Variants in RAB17 observed in about 807,000 individuals in gnomAD.
RAB17 encodes ras-related protein Rab-17.
RAB17 carries 15 observed loss-of-function variants against 19.3 expected under a neutral mutation model. The ratio of observed to expected loss-of-function variants is 0.78; its 90% CI spans 0.52 to 1.20. RAB17 has a LOEUF of 1.20. Among genes scored for constraint, RAB17 ranks in the 50% most tolerant of loss-of-function variants. RAB17 has a pLI of 0.00. For synonymous variants in RAB17, 110 were observed against 112.8 expected (o/e 0.97, Z 0.16); for missense variants, 262 against 269.3 (o/e 0.97, Z 0.19).
At chr2:237,575,624 T>C in intron 4 of RAB17, 144 bp from the exon 5 acceptor site, 1 of 644,864 alleles carries the variant, frequency 1.6e-6, no homozygotes, top group East Asian at 2.8e-5. Context: ...TTGTGTTTCT[T>C]GGCACTCCTG....
intron 2 of RAB17, among the ~76,000 whole-genome samples, chr2:237,582,377 G>A (rs1161695153): frequency 6.6e-6 from 1 of 152,212 alleles, no homozygotes; most frequent in East Asian, 1.9e-4. Context: ...GGCCGGCCTT[G>A]GTGACCTTAA....
chr2:237,590,448 G>T lies in RAB17; in HGVS notation c.-4+19C>A, dbSNP rs975415604. ...GCAGACACTCCACAAAGGGCACAGA[G>T]GTTTAAACAATGACTCACCTGTTCC... is the stretch of plus-strand genomic sequence containing the variant. On this transcript the variant is annotated intron_variant, in intron 1 of 5. Transcript: ENST00000264601. 2 of 152,410 alleles carry T rather than the reference G, an allele frequency of 1.3e-5. No homozygotes were observed. Among genetic ancestry groups the T allele is most frequent in the African/African-American group, 4.8e-5 (2 of 41,426 alleles). 9.4% of individuals were successfully genotyped at this position (152,410 alleles called of 1,614,324 possible). A position where few individuals can be genotyped will look rare whatever the true frequency, so the allele number is the denominator to read the frequency against.
At position 237,574,990 on chromosome 2, in the gene RAB17, T is replaced by G; in HGVS notation, c.*29A>C. 6.6e-7 allele frequency: 1 copy of G among 1,517,382 alleles called. No homozygotes were observed. The highest frequency in any genetic ancestry group is 1.2e-5 in the South Asian group (1 of 80,060). The allele number at this position is 1,517,382 out of a possible 1,614,324, so 94.0% of individuals were successfully genotyped here. Reference sequence around the variant, plus strand: ...GGCCATGGCCCAGGCAGGGGGTGTCTTCCCCACAGCCCCCAGGAGTGGCTG... The same window carrying G: ...GGCCATGGCCCAGGCAGGGGGTGTCGTCCCCACAGCCCCCAGGAGTGGCTG... On this transcript the variant is annotated 3_prime_UTR_variant, in exon 6 of 6. Transcript: ENST00000264601.
rs1467532349 is a variant in RAB17 at position 237,574,667 on chromosome 2, T to C, written c.*352A>G. On this transcript the variant is annotated 3_prime_UTR_variant, in exon 6 of 6. Transcript: ENST00000264601. ...CCCCATCAAGATCAGACGTAAGGCA[T>C]CTTCCCACCGTCGCTGTGCTGCGGG... The C allele has an allele frequency of 1.4e-6, 2 of 1,461,140 alleles. No homozygotes were observed. Among genetic ancestry groups the C allele is most frequent in the Non-Finnish European group, 1.8e-6 (2 of 1,104,316 alleles). The allele number at this position is 1,461,140 out of a possible 1,614,324, so 90.5% of individuals were successfully genotyped here.
rs1453403253 is a variant in RAB17, at chr2:237,574,980, AG to A, written c.*38del. 1.4e-6 allele frequency: 2 copies of A among 1,455,392 alleles called. No homozygotes were observed. Among genetic ancestry groups the A allele is most frequent in the African/African-American group, 1.4e-5 (1 of 69,958 alleles). The allele number at this position is 1,455,392 out of a possible 1,614,324, so 90.2% of individuals were successfully genotyped here. On this transcript the variant is annotated 3_prime_UTR_variant, in exon 6 of 6. Coordinates refer to ENST00000264601, the MANE Select transcript of RAB17 (RefSeq NM_022449.4). ...ACCTAGAGCTGGCCATGGCCCAGGCAGGGGGTGTCTTCCCCACAGCCCCCAG... is the reference window on the plus strand; with the variant it reads ...ACCTAGAGCTGGCCATGGCCCAGGCAGGGGTGTCTTCCCCACAGCCCCCAG...
chr2:237,577,837 G>T, intron 3 of RAB17, 167 bp downstream of exon 3: 1 of 740,034 alleles, frequency 1.4e-6, no homozygotes, highest in Non-Finnish European at 2.2e-6. Context: ...GAACCCCACT[G>T]TGGAGGAGGA....
At chr2:237,583,565 C>T (rs182568884) in intron 2 of RAB17, among the ~76,000 whole-genome samples, 14 of 152,264 alleles carry the variant, frequency 9.2e-5, no homozygotes, top group Admixed American at 2.0e-4. Context: ...TACAAAAGTG[C>T]GGACCCCAGG....
chr2:237,580,842 G>T (rs1475372190), intron 2 of RAB17, among the ~76,000 whole-genome samples: 1 of 152,112 alleles, frequency 6.6e-6, no homozygotes, highest in African/African-American at 2.4e-5. Context: ...GGAGGGCATG[G>T]GTTTTAGTCC....
chr2:237,582,339 T>A (rs2081315305), intron 2 of RAB17, among the ~76,000 whole-genome samples: 1 of 152,162 alleles, frequency 6.6e-6, no homozygotes, highest in Admixed American at 6.5e-5. Flanking sequence ...CCTGAGTCAA[T>A]CCTCCTGAAG....
At chr2:237,579,392 G>C (rs578174195) in intron 2 of RAB17, 1 of 152,294 alleles carries the variant, frequency 6.6e-6, no homozygotes, top group South Asian at 2.1e-4. Context: ...AAACTGATGC[G>C]TTGGCTGGGT....
chr2:237,578,405 T>C, intron 2 of RAB17: 1 of 411,088 alleles, frequency 2.4e-6, no homozygotes, highest in South Asian at 5.3e-5. Context: ...AAGATAAATC[T>C]CTCCAGGACC....
chr2:237,585,983 T>G lies in RAB17; in HGVS notation c.157+15A>C, dbSNP rs1574937583. ...GCACTGAAGACCAACAAAGGGGTGC[T>G]CTGCCCTCACTTACAGCCCACCGTA... On this transcript the variant is annotated intron_variant, in intron 2 of 5. Transcript: ENST00000264601. 1 of 1,588,742 alleles carries G rather than the reference T, an allele frequency of 6.3e-7. No individual in the cohort carries two copies. The highest frequency in any genetic ancestry group is 8.6e-7 in the Non-Finnish European group (1 of 1,167,254).
In RAB17 at chr2:237,580,989, G is replaced by A. The variant is rs183350908; in HGVS notation, c.158-2834C>T. On this transcript the variant is annotated intron_variant, in intron 2 of 5. Coordinates refer to ENST00000264601, the MANE Select transcript of RAB17 (RefSeq NM_022449.4). ...GAGGCAACCTAGTCTCGTGCACTCC[G>A]TGGCTCTGACCCGGAAGACAGCATG... Among the ~76,000 whole-genome samples the A allele has an allele frequency of 5.8e-4, 89 of 152,316 alleles. 3 individuals are homozygous for A. Among genetic ancestry groups the A allele is most frequent in the Admixed American group, 5.4e-3 (83 of 15,304 alleles).
chr2:237,578,326 G>T (rs532447619), intron 2 of RAB17, 171 bp from the exon 3 acceptor site: 2 of 616,430 alleles, frequency 3.2e-6, no homozygotes, highest in Non-Finnish European at 5.6e-6. Flanking sequence ...TCTGGGAGAT[G>T]GAGCCTTCCA....
Position 237,575,077 on chromosome 2 carries a change from TC to T in RAB17, c.580del (p.Asp194MetfsTer6), listed in dbSNP as rs749607650. 2.8e-5 allele frequency: 45 copies of T among 1,613,564 alleles called. 1 individual carries two copies. The highest frequency in any genetic ancestry group is 3.7e-5 in the Non-Finnish European group (44 of 1,179,830). Reference protein sequence around the residue: ...SDEEGQALRGDAAVALNKGPA... With the variant: ...SDEEGQALRGXAAVALNKGPA... ...CCCCTTGTTCAGAGCCACAGCTGCA[TC>T]CCCCCGTAGAGCCTGGCCCTCCTCG... On this transcript the variant is annotated frameshift_variant, in exon 6 of 6. Transcript: ENST00000264601. LOFTEE classifies it low-confidence loss of function (END_TRUNC).
chr2:237,578,295 G>A, intron 2 of RAB17, 140 bp from the exon 3 acceptor site: 2 of 781,658 alleles, frequency 2.6e-6, no homozygotes, highest in Non-Finnish European at 4.0e-6. Context: ...CGCATGGCCA[G>A]GAGGTTGAGC....
chr2:237,586,952 T>C (rs59537591), intron 1 of RAB17, among the ~76,000 whole-genome samples: 39,888 of 152,102 alleles, frequency 0.26, 6,916 homozygotes, highest in African/African-American at 0.5. Context: ...GGTATTTTTT[T>C]TTCTTTGCAG....
At position 237,584,498 on chromosome 2, in the gene RAB17, G is replaced by A. The variant is rs78991145; in HGVS notation, c.157+1500C>T. On this transcript the variant is annotated intron_variant, in intron 2 of 5. Coordinates refer to ENST00000264601, the MANE Select transcript of RAB17 (RefSeq NM_022449.4). ...CCATTTTAGAGTGAATAGAGGAGGA[G>A]GAACAGCAAGAATATCATTTACAGA... is the stretch of plus-strand genomic sequence containing the variant. Among the ~76,000 whole-genome samples, 1,504 of 152,212 alleles carry A rather than the reference G, an allele frequency of 9.9e-3. 29 individuals are homozygous for A. The highest frequency in any genetic ancestry group is 0.034 in the African/African-American group (1,398 of 41,498).
intron 2 of RAB17, among the ~76,000 whole-genome samples, chr2:237,579,958 G>C (rs1275886049): frequency 6.6e-6 from 1 of 152,246 alleles, no homozygotes; most frequent in Non-Finnish European, 1.5e-5. Context: ...AGTAGGACCA[G>C]TGATTTCCAG....
Sources: gnomAD v4.1 joint callset for allele counts (sites outside exome capture counted in the v4.1 genomes callset) on GRCh38, gnomAD v4.1.1 for gene constraint, MANE v1.5 for transcripts, NCBI Gene and HGNC (gene_info 2026-07-23, HGNC 2026-07-21) for gene names.